Variants in FRMD3 observed in about 807,000 individuals in gnomAD.
The protein encoded by FRMD3 is FERM domain-containing protein 3.
In FRMD3, 33 loss-of-function variants were observed where a neutral mutation model predicts 70.2. The observed-to-expected ratio is 0.47, with a 90% CI of 0.36 to 0.63. The LOEUF (loss-of-function observed/expected upper bound fraction) is 0.63. FRMD3 is among the 20% of genes least tolerant of loss of function. The pLI is 0.00. For synonymous variants in FRMD3, 279 were observed against 255.9 expected, an observed-to-expected ratio of 1.09 and a Z score of -0.86; for missense variants, 632 against 711.4, an observed-to-expected ratio of 0.89 and a Z score of 1.27.
intron 1 of FRMD3, among the ~76,000 whole-genome samples, chr9:83,503,299 C>T (rs1829113275): frequency 6.6e-6 from 1 of 152,086 alleles, no homozygotes; most frequent in African/African-American, 2.4e-5. Context: ...CTCCAGCTGA[C>T]GACAGAAGAG....
At chr9:83,446,583 C>G (rs755305887) in intron 1 of FRMD3, among the ~76,000 whole-genome samples, 46 of 144,026 alleles carry the variant, frequency 3.2e-4, no homozygotes, top group Non-Finnish European at 4.9e-4. Flanking sequence ...GGAGGCAGAG[C>G]TTGCAGTGAG....
chr9:83,386,843 G>T (rs1487916446), intron 2 of FRMD3, among the ~76,000 whole-genome samples: 1 of 152,148 alleles, frequency 6.6e-6, no homozygotes, highest in African/African-American at 2.4e-5. Context: ...TTGAAGGTCA[G>T]TTATTTTGGA....
At chr9:83,403,276 A>G (rs756058226) in intron 1 of FRMD3, among the ~76,000 whole-genome samples, 27 of 151,962 alleles carry the variant, frequency 1.8e-4, no homozygotes, top group Non-Finnish European at 2.8e-4. Flanking sequence ...TTTTCTCTCC[A>G]CATCCCTAAC....
chr9:83,498,635 A>G (rs545356325), intron 1 of FRMD3, among the ~76,000 whole-genome samples: 6 of 152,220 alleles, frequency 3.9e-5, no homozygotes, highest in Non-Finnish European at 7.3e-5. Context: ...GGTGACTACC[A>G]TCTTGAACAG....
At position 83,414,480 on chromosome 9, in the gene FRMD3, TA is replaced by T. The variant is rs200961820; in HGVS notation, c.148-24773del. Reference sequence around the variant, plus strand: ...ACTAACTATATAAGAAAAAAAATGATAAAATGGACTTAATTAAAATTATCAT... The same window carrying T: ...ACTAACTATATAAGAAAAAAAATGATAAATGGACTTAATTAAAATTATCAT... On this transcript the variant is annotated intron_variant, in intron 1 of 13. Transcript: ENST00000304195. 4.4e-3 allele frequency among the ~76,000 whole-genome samples: 670 copies of T among 152,152 alleles called. 12 individuals are homozygous for T. The highest frequency in any genetic ancestry group is 0.014 in the East Asian group (75 of 5,184).
intron 1 of FRMD3, among the ~76,000 whole-genome samples, chr9:83,452,747 G>A (rs1006710234): frequency 1.3e-5 from 2 of 151,814 alleles, no homozygotes; most frequent in Non-Finnish European, 2.9e-5. Flanking sequence ...CTCCCAAAGT[G>A]CTAGGATTAC....
At chr9:83,378,502 T>TTA (rs1208787637) in intron 2 of FRMD3, among the ~76,000 whole-genome samples, 2 of 71,086 alleles carry the variant, frequency 2.8e-5, no homozygotes, top group African/African-American at 1.2e-4. Context: ...CATATAAAAT[T>TTA]TATATATATA....
intron 3 of FRMD3, among the ~76,000 whole-genome samples, chr9:83,360,106 G>C (rs1413119759): frequency 2.0e-5 from 3 of 152,178 alleles, no homozygotes; most frequent in Admixed American, 2.0e-4. Context: ...CTAAAGGACA[G>C]CTTTGCTGCC....
chr9:83,419,322 T>TA lies in FRMD3; in HGVS notation c.148-29615dup, dbSNP rs913211756. Among the ~76,000 whole-genome samples, 25 of 151,952 alleles carry TA rather than the reference T, an allele frequency of 1.6e-4. No homozygotes were observed. The South Asian group carries it at 2.5e-3, about 15-fold the overall frequency. On this transcript the variant is annotated intron_variant, in intron 1 of 13. Transcript: ENST00000304195. ...AGGTTTGCCCAAATAAGATTAACCA[T>TA]AAAAAAAAGAAAATATTTGTTAGGA...
chr9:83,462,375 G>T (rs759782450), intron 1 of FRMD3, among the ~76,000 whole-genome samples: 1 of 152,150 alleles, frequency 6.6e-6, no homozygotes, highest in Non-Finnish European at 1.5e-5. Flanking sequence ...GCCCCTGGGG[G>T]TCTTATCCTC....
chr9:83,496,038 G>A (rs1030118925), intron 1 of FRMD3, among the ~76,000 whole-genome samples: 1 of 152,166 alleles, frequency 6.6e-6, no homozygotes, highest in Non-Finnish European at 1.5e-5. Context: ...CCATAAGCTA[G>A]TACTTTAGAA....
At chr9:83,498,156 C>G (rs1828983865) in intron 1 of FRMD3, among the ~76,000 whole-genome samples, 1 of 137,696 alleles carries the variant, frequency 7.3e-6, no homozygotes, top group Non-Finnish European at 1.6e-5. Context: ...GAAGACAGAG[C>G]AAGACTCCGT....
intron 8 of FRMD3, among the ~76,000 whole-genome samples, chr9:83,311,410 T>C (rs1835350108): frequency 6.6e-6 from 1 of 152,216 alleles, no homozygotes; most frequent in South Asian, 2.1e-4. Context: ...CTCTTATTTG[T>C]AAGCCATCAT....
intron 13 of FRMD3, among the ~76,000 whole-genome samples, chr9:83,278,340 A>G (rs1833860641): frequency 6.6e-6 from 1 of 152,124 alleles, no homozygotes; most frequent in Admixed American, 6.5e-5. Context: ...AGCTCCACTT[A>G]CCAAAATAAT....
chr9:83,307,010 TA>T (rs1308602445), intron 10 of FRMD3, among the ~76,000 whole-genome samples: 2 of 152,280 alleles, frequency 1.3e-5, no homozygotes, highest in African/African-American at 2.4e-5. Flanking sequence ...GAATACAGGT[TA>T]AAAAAATAGA....
intron 4 of FRMD3, 104 bp downstream of exon 4, chr9:83,349,575 C>T (rs1369633229): frequency 1.4e-6 from 1 of 708,010 alleles, no homozygotes; most frequent in Non-Finnish European, 2.4e-6. Flanking sequence ...GCTTGCAACA[C>T]TGAGACGGTC....
chr9:83,315,696 C>A (rs1835542069), intron 6 of FRMD3, among the ~76,000 whole-genome samples: 1 of 152,186 alleles, frequency 6.6e-6, no homozygotes, highest in Non-Finnish European at 1.5e-5. Flanking sequence ...GCCAATTAAA[C>A]CTCTTAATTA....
chr9:83,349,977 GT>G (rs1824091905), intron 3 of FRMD3, among the ~76,000 whole-genome samples: 1 of 152,124 alleles, frequency 6.6e-6, no homozygotes, highest in Non-Finnish European at 1.5e-5. Context: ...CAGAGCAAAT[GT>G]AGAATACCAG....
At chr9:83,336,631 G>A (rs1823589643) in intron 5 of FRMD3, among the ~76,000 whole-genome samples, 1 of 148,278 alleles carries the variant, frequency 6.7e-6, no homozygotes, top group South Asian at 2.2e-4. Context: ...CTAGATTAAA[G>A]TTGTTGCTGG....
Sources: allele counts gnomAD v4.1 joint callset (sites outside exome capture counted in the v4.1 genomes callset), GRCh38; gene constraint gnomAD v4.1.1; transcripts MANE v1.5; gene names NCBI Gene and HGNC (gene_info 2026-07-23, HGNC 2026-07-21).